ASIC2: variants seen among roughly 807,000 people sequenced by gnomAD.
The protein encoded by ASIC2 is acid-sensing ion channel 2.
Under a neutral mutation model 57.3 loss-of-function variants are expected in ASIC2, and 25 were observed. That is an observed-to-expected ratio of 0.44 (90% CI 0.32 to 0.61). The LOEUF (loss-of-function observed/expected upper bound fraction) is 0.61. Ranked by LOEUF, ASIC2 falls within the 20% of genes least tolerant of loss-of-function variation. The pLI, the probability that ASIC2 is intolerant of heterozygous loss-of-function variation, is 0.06. For synonymous variants in ASIC2, 319 were observed against 307.5 expected (o/e 1.04, Z -0.39); for missense variants, 641 against 738.1 (o/e 0.87, Z 1.52).
intron 1 of ASIC2, among the ~76,000 whole-genome samples, chr17:33,464,626 TTTC>T (rs1479329862): frequency 6.7e-6 from 1 of 148,884 alleles, no homozygotes; most frequent in East Asian, 1.9e-4. Context: ...TTCTTTCCTT[TTTC>T]TTTTCTTTTT....
At chr17:33,313,614 C>G (rs1432194743) in intron 1 of ASIC2, among the ~76,000 whole-genome samples, 2 of 152,150 alleles carry the variant, frequency 1.3e-5, no homozygotes, top group Non-Finnish European at 2.9e-5. Flanking sequence ...GAGCTAAAAA[C>G]TCCTCTGGTT....
At chr17:33,275,220 G>A (rs1904657325) in intron 1 of ASIC2, among the ~76,000 whole-genome samples, 1 of 152,134 alleles carries the variant, frequency 6.6e-6, no homozygotes, top group Non-Finnish European at 1.5e-5. Context: ...CTGGAAGCCT[G>A]ATCCCCGCCT....
chr17:33,613,731 A>G (rs2142017095), intron 1 of ASIC2, among the ~76,000 whole-genome samples: 1 of 152,126 alleles, frequency 6.6e-6, no homozygotes, highest in Non-Finnish European at 1.5e-5. Flanking sequence ...TCTGTTCTAC[A>G]TTTTGCTTTT....
In ASIC2 at chr17:33,023,885, A is replaced by T; in HGVS notation, c.1325T>A (p.Phe442Tyr). The change falls in exon 6 of 10, where the codon TTT becomes TAT. Residue 442 changes from phenylalanine to tyrosine, a missense_variant. Phe to Tyr is a conservative substitution (Grantham distance 22). Transcript: ENST00000225823. ...KTSAKYLEKK[F>Y]NKSEKYISEN... is the part of the protein sequence containing the mutation. ...CGAGATATATTTTTCTGATTTGTTAAATTTCTTCTCAAGGTACTTGGCTGA... is the reference window on the plus strand; with the variant it reads ...CGAGATATATTTTTCTGATTTGTTATATTTCTTCTCAAGGTACTTGGCTGA... 6.2e-7 allele frequency: 1 copy of T among 1,614,120 alleles called. No individual in the cohort carries two copies.
At chr17:33,443,406 A>ATGTTTTTTTTTT (rs1911895296) in intron 1 of ASIC2, among the ~76,000 whole-genome samples, 1 of 75,232 alleles carries the variant, frequency 1.3e-5, no homozygotes, top group African/African-American at 5.5e-5. Context: ...GGAGGGTAAG[A>ATGTTTTTTTTTT]TTTTTTTTTT....
chr17:33,341,530 C>T (rs1907721684), intron 1 of ASIC2, among the ~76,000 whole-genome samples: 4 of 152,192 alleles, frequency 2.6e-5, no homozygotes, highest in Admixed American at 2.6e-4. Flanking sequence ...TGAGTGGTTG[C>T]AACAGAGACC....
At chr17:34,038,603 T>C in intron 1 of ASIC2, 1 of 1,602,278 alleles carries the variant, frequency 6.2e-7, no homozygotes, top group Non-Finnish European at 8.5e-7. Context: ...ATTATCTTCA[T>C]TATGTATCCT....
chr17:33,722,791 AG>A (rs1383428718), intron 1 of ASIC2, among the ~76,000 whole-genome samples: 1 of 152,208 alleles, frequency 6.6e-6, no homozygotes, highest in Non-Finnish European at 1.5e-5. Flanking sequence ...AACAAAAAAA[AG>A]ATATCCAAAG....
rs146999303 is a variant in ASIC2, at chr17:33,312,583, G to T, written c.556-200516C>A. ...GTAAGAAGAGGGATGAGCGGCAAGG[G>T]CTGCACCTACTTAGCTTTTTGGAGA... is the stretch of plus-strand genomic sequence containing the variant. On this transcript the variant is annotated intron_variant, in intron 1 of 9. Transcript: ENST00000359872. Among the ~76,000 whole-genome samples, 14 of 152,286 alleles carry T rather than the reference G, an allele frequency of 9.2e-5. No homozygotes were observed. In the East Asian group the frequency reaches 2.7e-3, roughly 29 times the overall value.
chr17:33,619,667 A>G (rs575436784), intron 1 of ASIC2, among the ~76,000 whole-genome samples: 11 of 152,338 alleles, frequency 7.2e-5, no homozygotes, highest in African/African-American at 2.6e-4. Context: ...TGACCATAAC[A>G]TCTCTTGCCG....
intron 1 of ASIC2, among the ~76,000 whole-genome samples, chr17:33,239,424 A>G (rs1342259817): frequency 6.6e-6 from 1 of 152,156 alleles, no homozygotes; most frequent in African/African-American, 2.4e-5. Flanking sequence ...TCCATCTGAT[A>G]GTCTGTATGT....
chr17:33,415,680 G>A (rs903130091), intron 1 of ASIC2, among the ~76,000 whole-genome samples: 1 of 151,974 alleles, frequency 6.6e-6, no homozygotes, highest in African/African-American at 2.4e-5. Flanking sequence ...GGATCAAGAA[G>A]GAGAGACAGA....
chr17:33,026,254 T>C (rs574747962), intron 4 of ASIC2, among the ~76,000 whole-genome samples: 12 of 152,316 alleles, frequency 7.9e-5, no homozygotes, highest in South Asian at 2.1e-4. Flanking sequence ...CATGTTTCTG[T>C]GTAGGTCCAG....
At chr17:33,519,669 G>A (rs960317828) in intron 1 of ASIC2, among the ~76,000 whole-genome samples, 1 of 152,198 alleles carries the variant, frequency 6.6e-6, no homozygotes, top group African/African-American at 2.4e-5. Flanking sequence ...ACTGGGCTTG[G>A]AAAGGACTGG....
At chr17:33,572,683 G>A (rs1034505941) in intron 1 of ASIC2, among the ~76,000 whole-genome samples, 6 of 152,160 alleles carry the variant, frequency 3.9e-5, no homozygotes, top group South Asian at 2.1e-4. Context: ...AGGCCCAGCC[G>A]CTTACCTGAA....
At chr17:33,942,795 A>G (rs1216517819) in intron 1 of ASIC2, among the ~76,000 whole-genome samples, 1 of 152,180 alleles carries the variant, frequency 6.6e-6, no homozygotes, top group Non-Finnish European at 1.5e-5. Flanking sequence ...CGAGCAATGA[A>G]GGCCAGCTAC....
At chr17:33,026,846 C>T (rs2091861096) in intron 4 of ASIC2, among the ~76,000 whole-genome samples, 1 of 152,186 alleles carries the variant, frequency 6.6e-6, no homozygotes, top group Admixed American at 6.5e-5. Context: ...TTCCCCAAAT[C>T]CTTTTTCGGA....
intron 1 of ASIC2, among the ~76,000 whole-genome samples, chr17:33,805,127 GT>G (rs1333609517): frequency 6.6e-6 from 1 of 152,160 alleles, no homozygotes; most frequent in Non-Finnish European, 1.5e-5. Flanking sequence ...CCCTCTTGCT[GT>G]GGTCTGATGC....
Position 34,156,134 on chromosome 17 carries a change from C to A in ASIC2, c.399G>T (p.Val133=). 1 of 1,614,112 alleles carries A rather than the reference C, an allele frequency of 6.2e-7. No individual in the cohort carries two copies. The highest frequency in any genetic ancestry group is 8.5e-7 in the Non-Finnish European group (1 of 1,180,024). Reference sequence around the variant, plus strand: ...TGGCCTTCTGCCGCAGGGCCTCCAGCACGGAGGGGTCAGCCAGATGGGGGT... The same window carrying A: ...TGGCCTTCTGCCGCAGGGCCTCCAGAACGGAGGGGTCAGCCAGATGGGGGT... The change falls in exon 1 of 10, where the codon GTG becomes GTT. Residue 133 remains valine, a synonymous_variant. Coordinates refer to the ASIC2 transcript ENST00000359872. This position sits in a 1 kb window ranked among gnomAD's most constrained non-coding sequence, Gnocchi z 4.4.
Sources: allele counts gnomAD v4.1 joint callset (sites outside exome capture counted in the v4.1 genomes callset), GRCh38; gene constraint gnomAD v4.1.1; non-coding constraint Gnocchi (gnomAD v3.1); transcripts MANE v1.5; gene names NCBI Gene and HGNC (gene_info 2026-07-23, HGNC 2026-07-21).